GPHN: variants seen among roughly 807,000 people sequenced by gnomAD.
GPHN encodes gephyrin.
In GPHN, 17 loss-of-function variants were observed where a neutral mutation model predicts 95.5. The ratio of observed to expected loss-of-function variants is 0.18; its 90% CI spans 0.12 to 0.27. The LOEUF is 0.27. GPHN is among the 10% of genes least tolerant of loss of function. The probability of loss-of-function intolerance (pLI) is 1.00; values close to 1 mark genes in which losing one functional copy is unlikely to be tolerated. For missense variants in GPHN, 660 were observed against 978.1 expected, an observed-to-expected ratio of 0.67 and a Z score of 4.34; for synonymous variants, 320 against 322.5, an observed-to-expected ratio of 0.99 and a Z score of 0.08.
intron 9 of GPHN, among the ~76,000 whole-genome samples, chr14:67,020,088 T>C (rs1002687026): frequency 3.9e-5 from 6 of 152,216 alleles, no homozygotes; most frequent in Non-Finnish European, 8.8e-5. Context: ...TCACAAATTA[T>C]GGTCACAGAT....
the GPHN span, among the ~76,000 whole-genome samples, chr14:67,230,314 T>C: frequency 6.6e-6 from 1 of 152,170 alleles, no homozygotes; most frequent in South Asian, 2.1e-4. Flanking sequence ...ATGTGGTCTC[T>C]CATGCCTATA....
chr14:67,577,949 A>C, the GPHN span: 1 of 1,425,066 alleles, frequency 7.0e-7, no homozygotes, highest in Non-Finnish European at 9.7e-7. Flanking sequence ...AGCCCTTGGA[A>C]AATGGCCAAG....
the GPHN span, among the ~76,000 whole-genome samples, chr14:67,401,606 C>T: frequency 6.6e-6 from 1 of 152,082 alleles, no homozygotes; most frequent in African/African-American, 2.4e-5. Context: ...TGAGGAGGTG[C>T]CATCTGCAAG....
At chr14:67,635,888 G>T in the GPHN span, among the ~76,000 whole-genome samples, 1 of 152,040 alleles carries the variant, frequency 6.6e-6, no homozygotes, top group Non-Finnish European at 1.5e-5. Flanking sequence ...TAATTTCCAA[G>T]AATTCCTTTT....
At chr14:67,552,840 G>A in the GPHN span, among the ~76,000 whole-genome samples, 2 of 151,990 alleles carry the variant, frequency 1.3e-5, no homozygotes, top group Non-Finnish European at 2.9e-5. Context: ...CAGTGACAGA[G>A]GGTGACCCAG....
chr14:67,720,123 G>C, the GPHN span, among the ~76,000 whole-genome samples: 3 of 152,186 alleles, frequency 2.0e-5, no homozygotes, highest in Admixed American at 6.5e-5. Flanking sequence ...TTGGCAATCT[G>C]ATAAGTGAAA....
chr14:66,555,585 C>A (rs2059978655), intron 1 of GPHN, among the ~76,000 whole-genome samples: 1 of 151,700 alleles, frequency 6.6e-6, no homozygotes, highest in Non-Finnish European at 1.5e-5. Context: ...ATGGTACTAC[C>A]AAATACATTA....
intron 9 of GPHN, among the ~76,000 whole-genome samples, chr14:66,975,510 T>G (rs1438170769): frequency 6.6e-6 from 1 of 152,190 alleles, no homozygotes; most frequent in African/African-American, 2.4e-5. Flanking sequence ...TCTGAAAAGC[T>G]AACAAGCTTG....
chr14:67,074,993 A>G (rs1033271666), intron 11 of GPHN, among the ~76,000 whole-genome samples: 13 of 152,214 alleles, frequency 8.5e-5, no homozygotes, highest in African/African-American at 2.7e-4. Flanking sequence ...GAAGGTGACT[A>G]TGCTAAGCAA....
the GPHN span, among the ~76,000 whole-genome samples, chr14:67,597,773 G>GAAAAAT: frequency 0.78 from 117,146 of 150,698 alleles, 45,693 homozygotes; most frequent in Middle Eastern, 0.84. Flanking sequence ...AAAAAAAAAA[G>GAAAAAT]ACATTAAAGC....
chr14:67,524,051 G>T, the GPHN span, among the ~76,000 whole-genome samples: 1 of 152,212 alleles, frequency 6.6e-6, no homozygotes, highest in Non-Finnish European at 1.5e-5. Context: ...AAAGGAACTG[G>T]CCGCTCAGAG....
intron 2 of GPHN, among the ~76,000 whole-genome samples, chr14:66,747,050 C>T (rs1349714690): frequency 1.3e-5 from 2 of 152,138 alleles, no homozygotes; most frequent in Non-Finnish European, 2.9e-5. Context: ...TCCTGGACCT[C>T]ACTCACACCA....
chr14:67,681,675 G>A, the GPHN span, among the ~76,000 whole-genome samples: 174 of 152,214 alleles, frequency 1.1e-3, no homozygotes, highest in Non-Finnish European at 2.0e-3. Flanking sequence ...CCAGCTACTC[G>A]GGAGGCTGAG....
At chr14:67,584,945 G>A in the GPHN span, among the ~76,000 whole-genome samples, 1 of 152,198 alleles carries the variant, frequency 6.6e-6, no homozygotes, top group African/African-American at 2.4e-5. Context: ...TTCTGAAAAA[G>A]GTGGCATGTC....
At chr14:66,642,211 T>C (rs563706162) in intron 1 of GPHN, among the ~76,000 whole-genome samples, 2 of 152,212 alleles carry the variant, frequency 1.3e-5, no homozygotes, top group Admixed American at 6.5e-5. Flanking sequence ...ACAATTAAGA[T>C]AGTAAAATGA....
chr14:67,206,473 GC>G, the GPHN span, among the ~76,000 whole-genome samples: 1 of 152,048 alleles, frequency 6.6e-6, no homozygotes, highest in African/African-American at 2.4e-5. Flanking sequence ...TCCAGCCTGG[GC>G]AACAGAGTGA....
At chr14:67,288,493 A>T in the GPHN span, among the ~76,000 whole-genome samples, 1 of 151,984 alleles carries the variant, frequency 6.6e-6, no homozygotes, top group East Asian at 1.9e-4. Context: ...GGAGTTATAG[A>T]CTCCATCTTT....
chr14:66,939,260 A>G (rs2067282340), intron 8 of GPHN, among the ~76,000 whole-genome samples: 1 of 152,190 alleles, frequency 6.6e-6, no homozygotes, highest in South Asian at 2.1e-4. Context: ...AGAATGGGAG[A>G]AAATATTTGC....
intron 1 of GPHN, among the ~76,000 whole-genome samples, chr14:66,597,199 G>T (rs994713333): frequency 2.0e-5 from 3 of 152,142 alleles, no homozygotes; most frequent in African/African-American, 7.2e-5. Context: ...GAGACAAACC[G>T]GGTTATTGGA....
Sources: gnomAD v4.1 joint callset for allele counts (sites outside exome capture counted in the v4.1 genomes callset) on GRCh38, gnomAD v4.1.1 for gene constraint, MANE v1.5 for transcripts, NCBI Gene and HGNC (gene_info 2026-07-23, HGNC 2026-07-21) for gene names.